Variants in CCDC178 observed in about 807,000 individuals in gnomAD.
The protein encoded by CCDC178 is coiled-coil domain-containing protein 178.
Under a neutral mutation model 117.4 loss-of-function variants are expected in CCDC178, and 126 were observed. The observed-to-expected ratio is 1.07, with a 90% CI of 0.93 to 1.24. The LOEUF (loss-of-function observed/expected upper bound fraction) is 1.24, where lower values mean the gene tolerates loss of function less well. Among genes scored for constraint, CCDC178 ranks in the 50% most tolerant of loss-of-function variants. The probability of loss-of-function intolerance (pLI) is 0.00; values close to 1 mark genes in which losing one functional copy is unlikely to be tolerated. For missense variants in CCDC178, 1,030 were observed against 986.9 expected (o/e 1.04, Z -0.59); for synonymous variants, 283 against 313.4 (o/e 0.90, Z 1.02).
chr18:33,214,203 T>C (rs1317497709), intron 19 of CCDC178, among the ~76,000 whole-genome samples: 3 of 152,050 alleles, frequency 2.0e-5, no homozygotes, highest in Non-Finnish European at 2.9e-5. Context: ...CCACTTGCTA[T>C]AAGAATTGGA....
intron 21 of CCDC178, among the ~76,000 whole-genome samples, chr18:33,012,355 A>G (rs1005583887): frequency 7.2e-5 from 11 of 152,358 alleles, no homozygotes; most frequent in African/African-American, 2.4e-4. Flanking sequence ...ATCAATCACC[A>G]GGATAAAGTA....
chr18:33,356,492 C>A, intron 6 of CCDC178, 146 bp from the exon 7 acceptor site: 2 of 892,326 alleles, frequency 2.2e-6, no homozygotes, highest in Non-Finnish European at 3.1e-6. Context: ...TTGTATAAAC[C>A]AAAAATAAAA....
intron 5 of CCDC178, among the ~76,000 whole-genome samples, chr18:33,371,784 T>TACACACACACACAC (rs146013235): frequency 4.9e-4 from 71 of 144,308 alleles, no homozygotes; most frequent in African/African-American, 1.1e-3. Context: ...TAAACATATA[T>TACACACACACACAC]ACACACACAC....
chr18:33,244,314 G>A (rs971476660), intron 15 of CCDC178, among the ~76,000 whole-genome samples: 1 of 151,906 alleles, frequency 6.6e-6, no homozygotes, highest in Non-Finnish European at 1.5e-5. Context: ...GATGAAAGCA[G>A]CCTGTTGAAG....
intron 15 of CCDC178, among the ~76,000 whole-genome samples, chr18:33,232,964 A>G (rs892697035): frequency 6.6e-6 from 1 of 152,168 alleles, no homozygotes; most frequent in Admixed American, 6.5e-5. Flanking sequence ...AGAAATTTGT[A>G]TATTTAAAAT....
chr18:33,209,432 T>C (rs1407326842), intron 20 of CCDC178, among the ~76,000 whole-genome samples: 1 of 152,042 alleles, frequency 6.6e-6, no homozygotes, highest in Admixed American at 6.6e-5. Flanking sequence ...TCCCTACAGA[T>C]GATCCATAAT....
intron 21 of CCDC178, among the ~76,000 whole-genome samples, chr18:33,011,698 G>A (rs1406800098): frequency 7.3e-6 from 1 of 136,078 alleles, no homozygotes; most frequent in Non-Finnish European, 1.5e-5. Context: ...ACAGCTCCTT[G>A]CAAAGAGAAA....
At chr18:33,218,548 T>TTGCCTAGGTTTG (rs1326790802) in intron 18 of CCDC178, among the ~76,000 whole-genome samples, 4 of 152,160 alleles carry the variant, frequency 2.6e-5, no homozygotes, top group Non-Finnish European at 4.4e-5. Flanking sequence ...CTGAATGGTA[T>TTGCCTAGGTTTG]TGCCTAGGTT....
intron 11 of CCDC178, 89 bp downstream of exon 11, chr18:33,323,402 C>G: frequency 4.9e-6 from 4 of 815,688 alleles, no homozygotes; most frequent in Non-Finnish European, 6.7e-6. Flanking sequence ...TTCTCTTTAT[C>G]TAAATTTTCT....
intron 21 of CCDC178, among the ~76,000 whole-genome samples, chr18:33,059,738 G>A (rs897359183): frequency 6.6e-6 from 1 of 152,048 alleles, no homozygotes; most frequent in Non-Finnish European, 1.5e-5. Flanking sequence ...ATCCTAAGTT[G>A]ACTTTCTGCC....
intron 22 of CCDC178, among the ~76,000 whole-genome samples, chr18:32,964,754 A>G (rs1243324422): frequency 3.9e-5 from 6 of 151,960 alleles, no homozygotes; most frequent in Non-Finnish European, 7.4e-5. Context: ...TAGCATTCAG[A>G]GCGGTTAAGT....
At chr18:33,324,911 A>G (rs2062564438) in intron 10 of CCDC178, among the ~76,000 whole-genome samples, 1 of 151,910 alleles carries the variant, frequency 6.6e-6, no homozygotes, top group South Asian at 2.1e-4. Context: ...TATTTGTGCT[A>G]GTAAAAGTAT....
intron 20 of CCDC178, among the ~76,000 whole-genome samples, chr18:33,096,116 A>ACC (rs143676048): frequency 1.0e-4 from 14 of 140,126 alleles, no homozygotes; most frequent in African/African-American, 2.7e-4. Flanking sequence ...TCTACTCCCC[A>ACC]CCCCCCCCAC....
At position 33,348,986 on chromosome 18, in the gene CCDC178, G is replaced by A; in HGVS notation, c.372-11C>T. Reference sequence around the variant, plus strand: ...GAAGAAGTTCTGCTCCTATATAATGGGAAAGAAGCAAGCAGTAAAGAAGTA... The same window carrying A: ...GAAGAAGTTCTGCTCCTATATAATGAGAAAGAAGCAAGCAGTAAAGAAGTA... On this transcript the variant is annotated splice_polypyrimidine_tract_variant and intron_variant, in intron 7 of 22. Coordinates refer to ENST00000383096, the MANE Select transcript of CCDC178 (RefSeq NM_001105528.4). 6.4e-7 allele frequency: 1 copy of A among 1,567,066 alleles called. No homozygotes were observed. The highest frequency in any genetic ancestry group is 8.7e-7 in the Non-Finnish European group (1 of 1,147,966).
chr18:33,181,981 A>T (rs2058737825), intron 20 of CCDC178, among the ~76,000 whole-genome samples: 1 of 151,902 alleles, frequency 6.6e-6, no homozygotes, highest in Non-Finnish European at 1.5e-5. Context: ...CTTATACCAC[A>T]ATAAAAAATC....
chr18:33,227,569 TATATATATATACACACACACACACACAC>T (rs2059321111), intron 15 of CCDC178, among the ~76,000 whole-genome samples: 2 of 144,262 alleles, frequency 1.4e-5, no homozygotes, highest in African/African-American at 5.1e-5. Flanking sequence ...TATATATATA[TATATATATATACACACACACACACACAC>T]ATAGTTTTGC....
chr18:33,258,539 C>T (rs8099769), intron 14 of CCDC178, among the ~76,000 whole-genome samples: 138,057 of 152,194 alleles, frequency 0.91, 62,776 homozygotes, highest in East Asian at 1. Flanking sequence ...TTTATTGTCC[C>T]CACAAGAGTA....
At chr18:33,055,914 G>A (rs1019628824) in intron 21 of CCDC178, among the ~76,000 whole-genome samples, 8 of 151,316 alleles carry the variant, frequency 5.3e-5, no homozygotes, top group Non-Finnish European at 1.0e-4. Flanking sequence ...AGTGATTCTC[G>A]TGCCTCAGCC....
rs1043773000 is a variant in CCDC178 at position 33,406,693 on chromosome 18, A to T, written c.58+5338T>A. Among the ~76,000 whole-genome samples, 4 of 152,184 alleles carry T rather than the reference A, an allele frequency of 2.6e-5. No homozygotes were observed. The East Asian group carries it at 7.7e-4, about 29-fold the overall frequency. On this transcript the variant is annotated intron_variant, in intron 3 of 22. Coordinates refer to ENST00000383096, the MANE Select transcript of CCDC178 (RefSeq NM_001105528.4). Reference sequence around the variant, plus strand: ...AAAATATTTCATAGGTCTAAATAATATATGTCAAAAATAAATCAAAACCAA... The same window carrying T: ...AAAATATTTCATAGGTCTAAATAATTTATGTCAAAAATAAATCAAAACCAA...
Sources: gnomAD v4.1 joint callset for allele counts (sites outside exome capture counted in the v4.1 genomes callset) on GRCh38, gnomAD v4.1.1 for gene constraint, MANE v1.5 for transcripts, NCBI Gene and HGNC (gene_info 2026-07-23, HGNC 2026-07-21) for gene names.